Variants in FYB1 observed in about 807,000 individuals in gnomAD.
FYB1 encodes FYN-binding protein 1.
FYB1 carries 41 observed loss-of-function variants against 94.1 expected under a neutral mutation model. The ratio of observed to expected loss-of-function variants is 0.44; its 90% CI spans 0.34 to 0.57. FYB1 has a LOEUF of 0.57. Among genes scored for constraint, FYB1 ranks in the 20% least tolerant of loss-of-function variants. FYB1 has a pLI of 0.02. For synonymous variants in FYB1, 367 were observed against 353.2 expected, an observed-to-expected ratio of 1.04 and a Z score of -0.44; for missense variants, 1,050 against 976.8, an observed-to-expected ratio of 1.07 and a Z score of -1.00.
chr5:39,131,154 T>C (rs1741170128), intron 9 of FYB1, among the ~76,000 whole-genome samples: 1 of 152,212 alleles, frequency 6.6e-6, no homozygotes, highest in African/African-American at 2.4e-5. Context: ...TAAATCCAGA[T>C]TGCCTGTGTT....
chr5:39,196,805 A>C (rs1747877426), intron 2 of FYB1, among the ~76,000 whole-genome samples: 1 of 152,242 alleles, frequency 6.6e-6, no homozygotes, highest in Non-Finnish European at 1.5e-5. Flanking sequence ...GGAATCAGAA[A>C]GACATGAGAT....
Position 39,130,616 on chromosome 5 carries a change from G to T in FYB1, c.1818-4C>A. On this transcript the variant is annotated splice_polypyrimidine_tract_variant and splice_region_variant and intron_variant, in intron 9 of 18. Transcript: ENST00000512982. ...TCCACTTCCACTCTGACTGTGGCTA[G>T]AAAAGAAACCCAGAAATATTAAGTT... The T allele has an allele frequency of 1.3e-6, 2 of 1,570,982 alleles. No homozygotes were observed. The highest frequency in any genetic ancestry group is 1.7e-6 in the Non-Finnish European group (2 of 1,155,604).
chr5:39,167,117 A>C (rs1481487025), intron 2 of FYB1, among the ~76,000 whole-genome samples: 1 of 152,060 alleles, frequency 6.6e-6, no homozygotes, highest in Non-Finnish European at 1.5e-5. Context: ...CTTTGCACCA[A>C]CCTAAAAGAA....
chr5:39,169,222 G>T (rs996846273), intron 2 of FYB1: 15 of 1,079,696 alleles, frequency 1.4e-5, no homozygotes, highest in Non-Finnish European at 2.0e-5. Flanking sequence ...TTGCCATATG[G>T]TTGGTCGTGG....
intron 1 of FYB1, among the ~76,000 whole-genome samples, chr5:39,243,714 C>A (rs1159121436): frequency 6.6e-6 from 1 of 152,158 alleles, no homozygotes; most frequent in Non-Finnish European, 1.5e-5. Flanking sequence ...GGCATTGAAT[C>A]TCTAAATTAC....
At chr5:39,124,345 T>C in intron 12 of FYB1, 67 bp from the exon 13 acceptor site, 1 of 1,127,438 alleles carries the variant, frequency 8.9e-7, no homozygotes, top group Non-Finnish European at 1.2e-6. Flanking sequence ...TTCCGTTATA[T>C]AGGAGAGTAT....
chr5:39,244,065 T>C (rs1482830933), intron 1 of FYB1, among the ~76,000 whole-genome samples: 2 of 152,176 alleles, frequency 1.3e-5, no homozygotes, highest in African/African-American at 4.8e-5. Context: ...GTTTTCTAAA[T>C]ATACAATCAT....
intron 3 of FYB1, among the ~76,000 whole-genome samples, chr5:39,148,155 TTATATATATATATA>T (rs10528848): frequency 0.17 from 6,371 of 37,468 alleles, 572 homozygotes; most frequent in Middle Eastern, 0.36. Flanking sequence ...TATGTATTTT[TTATATATATATATA>T]TATATATATA....
Position 39,232,547 on chromosome 5 carries a change from A to T in FYB1, c.-27-29560T>A, listed in dbSNP as rs1018285562. Among the ~76,000 whole-genome samples, 111 of 149,982 alleles carry T rather than the reference A, an allele frequency of 7.4e-4. 2 individuals are homozygous for T. The highest frequency in any genetic ancestry group is 2.5e-3 in the African/African-American group (102 of 40,186). ...ATTTTATTTATTTATTTATTTATTT[A>T]TTTTTTATTTATTTTTTTTGCTTTT... On this transcript the variant is annotated intron_variant, in intron 1 of 1. Coordinates refer to the FYB1 transcript ENST00000510188.
chr5:39,117,484 C>T (rs1004875553), intron 16 of FYB1, among the ~76,000 whole-genome samples: 1 of 152,114 alleles, frequency 6.6e-6, no homozygotes, highest in African/African-American at 2.4e-5. Context: ...TCTTTGTCCC[C>T]TGGGTATCTT....
At chr5:39,118,049 C>T (rs1449210722) in intron 16 of FYB1, among the ~76,000 whole-genome samples, 1 of 151,994 alleles carries the variant, frequency 6.6e-6, no homozygotes, top group African/African-American at 2.4e-5. Context: ...ACAAGGCGCA[C>T]ACCGCTACAT....
intron 2 of FYB1, among the ~76,000 whole-genome samples, chr5:39,186,059 C>T (rs1267398728): frequency 1.3e-5 from 2 of 152,114 alleles, no homozygotes; most frequent in African/African-American, 4.8e-5. Context: ...ACACTAACCC[C>T]ACCCCTCTCT....
intron 2 of FYB1, among the ~76,000 whole-genome samples, chr5:39,181,105 T>G (rs1433457729): frequency 6.6e-6 from 1 of 152,124 alleles, no homozygotes; most frequent in East Asian, 1.9e-4. Context: ...TCATGATACA[T>G]ATGGATTTAG....
intron 1 of FYB1, among the ~76,000 whole-genome samples, chr5:39,213,241 G>A (rs1360121565): frequency 6.6e-6 from 1 of 152,082 alleles, no homozygotes; most frequent in African/African-American, 2.4e-5. Flanking sequence ...GCTTTAGCAA[G>A]TGGTAGGATG....
intron 1 of FYB1, among the ~76,000 whole-genome samples, chr5:39,243,516 C>CTCAAAGGCAGAA (rs1751317322): frequency 3.4e-5 from 5 of 148,622 alleles, no homozygotes; most frequent in East Asian, 4.0e-4. Context: ...GTTTTGGTAC[C>CTCAAAGGCAGAA]AGTACCATGC....
chr5:39,267,534 G>T (rs999548125), intron 1 of FYB1, among the ~76,000 whole-genome samples: 1 of 152,106 alleles, frequency 6.6e-6, no homozygotes, highest in Non-Finnish European at 1.5e-5. Flanking sequence ...TCTCTTTCAA[G>T]GAGAAAAAAT....
chr5:39,118,892 T>G lies in FYB1; in HGVS notation c.2383A>C (p.Arg795=). The part of the protein sequence containing the change: ...QTTDDTKVLC[R]NEEGKYGYVL... ...GACTTACATTTCCCTTCTTCATTTC[T>G]GCAGAGAACTTTTGTGTCATCTGTG... The change falls in exon 16 of 19, where the codon AGA becomes CGA. Residue 795 remains arginine, a synonymous_variant. Transcript: ENST00000512982. 2 of 1,529,912 alleles carry G rather than the reference T, an allele frequency of 1.3e-6. No homozygotes were observed. The highest frequency in any genetic ancestry group is 1.8e-6 in the Non-Finnish European group (2 of 1,131,456). The allele number at this position is 1,529,912 out of a possible 1,614,324, so 94.8% of individuals were successfully genotyped here.
chr5:39,266,987 C>T (rs555395776), intron 1 of FYB1, among the ~76,000 whole-genome samples: 33 of 152,194 alleles, frequency 2.2e-4, no homozygotes, highest in African/African-American at 6.5e-4. Context: ...AGAGGAGCTC[C>T]GGCTCTGAGA....
chr5:39,173,681 T>C (rs1330299330), intron 2 of FYB1, among the ~76,000 whole-genome samples: 2 of 152,174 alleles, frequency 1.3e-5, no homozygotes, highest in Non-Finnish European at 1.5e-5. Flanking sequence ...TATCTCAGTA[T>C]CATTTATTGA....
Sources: allele counts gnomAD v4.1 joint callset (sites outside exome capture counted in the v4.1 genomes callset), GRCh38; gene constraint gnomAD v4.1.1; transcripts MANE v1.5; gene names NCBI Gene and HGNC (gene_info 2026-07-23, HGNC 2026-07-21).